The following RNF213 variants were observed in gnomAD, a reference collection of about 807,000 sequenced individuals.
RNF213 encodes E3 ubiquitin-protein ligase RNF213.
In RNF213, 341 loss-of-function variants were observed where a neutral mutation model predicts 514.4. That is an observed-to-expected ratio of 0.66 (90% CI 0.61 to 0.73). RNF213 has a LOEUF of 0.73. Ranked by LOEUF, RNF213 falls within the 30% of genes least tolerant of loss-of-function variation. The pLI is 0.00. For missense variants in RNF213, 5,767 were observed against 6,615.6 expected (o/e 0.87, Z 4.45); for synonymous variants, 2,655 against 2,658.2 (o/e 1.00, Z 0.04).
At chr17:80,365,028 C>T (rs2079205357) in intron 42 of RNF213, 1 of 230,390 alleles carries the variant, frequency 4.3e-6, no homozygotes, top group South Asian at 5.7e-5. Flanking sequence ...TGTCACTCAA[C>T]ACCCTTCATA....
intron 3 of RNF213, among the ~76,000 whole-genome samples, chr17:80,285,144 T>C (rs1332732008): frequency 1.3e-5 from 2 of 152,228 alleles, no homozygotes; most frequent in African/African-American, 4.8e-5. Flanking sequence ...GCCTTGCGTG[T>C]ACCAGGCAGT....
At chr17:80,316,539 C>G (rs2045954673) in intron 15 of RNF213, 1 of 164,754 alleles carries the variant, frequency 6.1e-6, no homozygotes, top group African/African-American at 2.4e-5. Context: ...AGGATCCAGT[C>G]AGGACAGGAG....
intron 48 of RNF213, 93 bp downstream of exon 48, chr17:80,372,827 A>G: frequency 7.1e-7 from 1 of 1,402,264 alleles, no homozygotes; most frequent in Non-Finnish European, 9.9e-7. Context: ...CGAATAGACT[A>G]CTACTGGGCT....
chr17:80,319,585 G>A (rs563284330), intron 17 of RNF213: 31 of 1,577,322 alleles, frequency 2.0e-5, no homozygotes, highest in East Asian at 1.6e-4. Context: ...CAAGTCACAC[G>A]GGCTTGCAGG....
Position 80,388,690 on chromosome 17 carries a change from G to A in RNF213, c.15000+1G>A. On this transcript the variant is annotated splice_donor_variant, in intron 64 of 67. Coordinates refer to ENST00000582970, the MANE Select transcript of RNF213 (RefSeq NM_001256071.3). LOFTEE classifies it high-confidence loss of function. ...GGACATCAAGAACAAAATGGCACAGGTGATCCCGATAAACCTGATCCTGTG... is the reference window on the plus strand; with the variant it reads ...GGACATCAAGAACAAAATGGCACAGATGATCCCGATAAACCTGATCCTGTG... 6.2e-7 allele frequency: 1 copy of A among 1,606,108 alleles called. No individual in the cohort carries two copies. Among genetic ancestry groups the A allele is most frequent in the Non-Finnish European group, 8.5e-7 (1 of 1,173,666 alleles).
chr17:80,331,163 C>A (rs113422455), intron 20 of RNF213, among the ~76,000 whole-genome samples: 91 of 152,224 alleles, frequency 6.0e-4, no homozygotes, highest in South Asian at 3.3e-3. Context: ...TTCCTTATTT[C>A]ATCACCACCT....
chr17:80,390,889 C>CTTT (rs2080440968), intron 67 of RNF213, among the ~76,000 whole-genome samples: 1 of 152,026 alleles, frequency 6.6e-6, no homozygotes, highest in South Asian at 2.1e-4. Context: ...TGGTGAAACT[C>CTTT]TGTTTCTACT....
At chr17:80,261,661 A>G (rs7217421) in intron 1 of RNF213, among the ~76,000 whole-genome samples, 87,137 of 152,194 alleles carry the variant, frequency 0.57, 25,538 homozygotes, top group African/African-American at 0.7. Context: ...ATTGAATGCA[A>G]CAGTGTTGGG....
chr17:80,390,599 G>A (rs1381086798), intron 67 of RNF213, among the ~76,000 whole-genome samples: 2 of 151,992 alleles, frequency 1.3e-5, no homozygotes, highest in Non-Finnish European at 2.9e-5. Context: ...GTTTCACTGT[G>A]TTGGCCAGGC....
chr17:80,261,145 G>T (rs1233939706), intron 1 of RNF213, among the ~76,000 whole-genome samples: 2 of 152,072 alleles, frequency 1.3e-5, no homozygotes, highest in Non-Finnish European at 2.9e-5. Flanking sequence ...CAGCGGGCAC[G>T]CCTGGGACCC....
In RNF213 at chr17:80,343,372, G is replaced by C. The variant is rs1268666817; in HGVS notation, c.6183+47G>C. On this transcript the variant is annotated intron_variant, in intron 27 of 67. Transcript: ENST00000582970. This position sits in a 1 kb window ranked among gnomAD's most constrained non-coding sequence, Gnocchi z 4.3. The stretch of plus-strand genomic sequence containing the variant: ...CCGATGGCCACATCAGTAAAGACGT[G>C]GTCCCCATGTCTCTGCGTGACTCCT... 5.0e-5 allele frequency: 76 copies of C among 1,525,874 alleles called. No individual in the cohort carries two copies. The highest frequency in any genetic ancestry group is 6.8e-5 in the Non-Finnish European group (76 of 1,109,742). The allele number at this position is 1,525,874 out of a possible 1,614,324, so 94.5% of individuals were successfully genotyped here.
chr17:80,361,158 G>T (rs2079041123), intron 38 of RNF213, among the ~76,000 whole-genome samples: 1 of 152,188 alleles, frequency 6.6e-6, no homozygotes, highest in Admixed American at 6.5e-5. Flanking sequence ...TTATCTAGAT[G>T]TTTCTCTTTG....
At chr17:80,321,481 ATG>A (rs1491334561) in intron 17 of RNF213, 3 of 152,170 alleles carry the variant, frequency 2.0e-5, no homozygotes, top group Non-Finnish European at 4.4e-5. Context: ...GTACATATTT[ATG>A]TGTGGGTGTA....
chr17:80,306,851 CA>C (rs67070144), intron 12 of RNF213, among the ~76,000 whole-genome samples: 41,822 of 105,340 alleles, frequency 0.4, 6,747 homozygotes, highest in African/African-American at 0.56. Flanking sequence ...GACTCCATCT[CA>C]AAAAAAAAAA....
rs1447373654 is a variant in RNF213 at position 80,288,182 on chromosome 17, C to G, written c.629C>G (p.Pro210Arg). ...TEGEDQDASI[P>R]SGGRGLSQEG... ...GGGGAGGACCAGGACGCTTCCATCCCCTCTGGGGGCAGAGGCCTGTCCCAG... is the reference window on the plus strand; with the variant it reads ...GGGGAGGACCAGGACGCTTCCATCCGCTCTGGGGGCAGAGGCCTGTCCCAG... The change falls in exon 4 of 68, where the codon CCC becomes CGC. Residue 210 changes from proline to arginine, a missense_variant. Coordinates refer to ENST00000582970, the MANE Select transcript of RNF213 (RefSeq NM_001256071.3). The surrounding 1 kb of genome is among the most constrained non-coding windows in gnomAD (Gnocchi z 4.9). The G allele has an allele frequency of 6.2e-7, 1 of 1,612,342 alleles. No homozygotes were observed. The highest frequency in any genetic ancestry group is 1.3e-5 in the African/African-American group (1 of 74,940).
At chr17:80,298,811 C>CAAAA (rs71365598) in intron 11 of RNF213, 3 of 222,666 alleles carry the variant, frequency 1.3e-5, no homozygotes, top group South Asian at 4.7e-5. Flanking sequence ...CGAAAAATAC[C>CAAAA]AAAAAAAAAA....
chr17:80,272,754 A>C (rs1311107175), intron 2 of RNF213, among the ~76,000 whole-genome samples: 1 of 152,108 alleles, frequency 6.6e-6, no homozygotes. Context: ...GCAGCTCTGC[A>C]TGGGTGAGAA....
Position 80,340,331 on chromosome 17 carries a change from C to A in RNF213, c.5964C>A (p.Ile1988=), listed in dbSNP as rs1365334900. ...TCAATGACCGGCTGTGTGTTGGGATCGTGGCCTCGGAGCGAGCAGGTGTTG... is the reference window on the plus strand; with the variant it reads ...TCAATGACCGGCTGTGTGTTGGGATAGTGGCCTCGGAGCGAGCAGGTGTTG... ...AVFNDRLCVG[I]VASERAGVGK... Residue 1988 remains isoleucine, a synonymous_variant, in exon 26 of 68, where the codon ATC becomes ATA. Transcript: ENST00000582970. 1 of 1,604,668 alleles carries A rather than the reference C, an allele frequency of 6.2e-7. No homozygotes were observed. Among genetic ancestry groups the A allele is most frequent in the South Asian group, 1.1e-5 (1 of 90,958 alleles).
intron 41 of RNF213, among the ~76,000 whole-genome samples, 193 bp downstream of exon 41, chr17:80,363,983 G>A (rs2079154690): frequency 6.6e-6 from 1 of 152,224 alleles, no homozygotes; most frequent in African/African-American, 2.4e-5. Context: ...CTGGAGACAC[G>A]AGAGGCGGCT....
Sources: gnomAD v4.1 joint callset for allele counts (sites outside exome capture counted in the v4.1 genomes callset) on GRCh38, gnomAD v4.1.1 for gene constraint, Gnocchi (gnomAD v3.1) non-coding constraint, MANE v1.5 for transcripts, NCBI Gene and HGNC (gene_info 2026-07-23, HGNC 2026-07-21) for gene names.